The following SLX4IP variants were observed in gnomAD, a reference collection of about 807,000 sequenced individuals.
SLX4IP encodes protein SLX4IP.
SLX4IP carries 34 observed loss-of-function variants against 32.9 expected under a neutral mutation model. The ratio of observed to expected loss-of-function variants is 1.03; its 90% CI spans 0.79 to 1.38. The LOEUF is 1.38. Ranked by LOEUF, SLX4IP falls within the 40% of genes most tolerant of loss-of-function variation. The probability of loss-of-function intolerance (pLI) is 0.00; values close to 1 mark genes in which losing one functional copy is unlikely to be tolerated. For missense variants in SLX4IP, 444 were observed against 479.0 expected, an observed-to-expected ratio of 0.93 and a Z score of 0.68; for synonymous variants, 172 against 171.7, an observed-to-expected ratio of 1.00 and a Z score of -0.01.
intron 4 of SLX4IP, among the ~76,000 whole-genome samples, chr20:10,562,830 A>G (rs1372898258): frequency 7.9e-5 from 12 of 152,148 alleles, no homozygotes; most frequent in Admixed American, 7.9e-4. Context: ...GAACATTTAG[A>G]TTGATTCCGT....
intron 4 of SLX4IP, among the ~76,000 whole-genome samples, chr20:10,583,260 A>G (rs682562): frequency 0.62 from 93,829 of 152,032 alleles, 29,189 homozygotes; most frequent in South Asian, 0.77. Context: ...AATGTTAAAA[A>G]CGCCATTAAA....
chr20:10,505,849 C>T (rs2065755105), intron 2 of SLX4IP, among the ~76,000 whole-genome samples: 1 of 150,922 alleles, frequency 6.6e-6, no homozygotes, highest in Admixed American at 6.6e-5. Context: ...TTCCCCTTTT[C>T]TAACCTGCCC....
At chr20:10,598,242 C>G (rs892047421) in intron 4 of SLX4IP, among the ~76,000 whole-genome samples, 3 of 152,048 alleles carry the variant, frequency 2.0e-5, no homozygotes, top group African/African-American at 7.2e-5. Flanking sequence ...AAGAGAAGCC[C>G]TCTGTTAATT....
intron 3 of SLX4IP, among the ~76,000 whole-genome samples, chr20:10,558,168 C>T (rs369341683): frequency 6.6e-6 from 1 of 151,992 alleles, no homozygotes; most frequent in Non-Finnish European, 1.5e-5. Context: ...GGTGAACCCC[C>T]ATCTCTATAA....
In SLX4IP at chr20:10,627,089, A is replaced by G. The variant is rs1164759839; in HGVS notation, c.*3710A>G. The G allele has an allele frequency of 6.6e-6, 1 of 152,202 alleles. No individual in the cohort carries two copies. The highest frequency in any genetic ancestry group is 1.5e-5 in the Non-Finnish European group (1 of 68,038). The allele number at this position is 152,202 out of a possible 1,614,324, so 9.4% of individuals were successfully genotyped here. ...GTGTCGTCATTCCCAATTTCCTTGA[A>G]TTCCTTCTTGGCAGACCTTACTGTA... On this transcript the variant is annotated 3_prime_UTR_variant, in exon 8 of 8. Coordinates refer to ENST00000334534, the MANE Select transcript of SLX4IP (RefSeq NM_001009608.3).
intron 4 of SLX4IP, among the ~76,000 whole-genome samples, chr20:10,574,838 A>G (rs945235228): frequency 7.2e-5 from 11 of 151,920 alleles, no homozygotes; most frequent in Non-Finnish European, 1.3e-4. Flanking sequence ...ACGCCCAGCT[A>G]ATTTTTGTAT....
chr20:10,486,052 A>G (rs1158184817), intron 2 of SLX4IP, among the ~76,000 whole-genome samples: 1 of 152,160 alleles, frequency 6.6e-6, no homozygotes, highest in Non-Finnish European at 1.5e-5. Flanking sequence ...ATCTAGGTAC[A>G]AATGGACCCA....
rs904970116 is a variant in SLX4IP, at chr20:10,614,248, A to G, written c.406-7066A>G. On this transcript the variant is annotated intron_variant, in intron 6 of 7. Transcript: ENST00000334534. ...AAACTCATGTACATAACCATGAGAA[A>G]ACAGATCCAGCTCTCAAAAGATGAA... The G allele has an allele frequency of 7.8e-5, 48 of 614,824 alleles. No individual in the cohort carries two copies. In the East Asian group the frequency reaches 1.3e-3, roughly 17 times the overall value. 38.1% of individuals were successfully genotyped at this position (614,824 alleles called of 1,614,324 possible).
At chr20:10,470,963 G>T (rs1859250202) in intron 2 of SLX4IP, among the ~76,000 whole-genome samples, 1 of 152,170 alleles carries the variant, frequency 6.6e-6, no homozygotes, top group South Asian at 2.1e-4. Context: ...GGATGACTTT[G>T]GGTGAATTTT....
chr20:10,509,126 A>G (rs1415781019), intron 2 of SLX4IP, among the ~76,000 whole-genome samples: 2 of 152,108 alleles, frequency 1.3e-5, no homozygotes, highest in Non-Finnish European at 2.9e-5. Flanking sequence ...TCTACCCACA[A>G]CGTCTGACCT....
At chr20:10,467,230 G>C (rs1021011937) in intron 2 of SLX4IP, among the ~76,000 whole-genome samples, 19 of 152,202 alleles carry the variant, frequency 1.2e-4, no homozygotes, top group African/African-American at 4.6e-4. Flanking sequence ...CGTTGATTTT[G>C]TGTATCACAT....
rs1466068216 is a variant in SLX4IP, at chr20:10,623,640, A to G, written c.*261A>G. The G allele has an allele frequency of 4.0e-6, 2 of 505,268 alleles. No homozygotes were observed. Among genetic ancestry groups the G allele is most frequent in the Non-Finnish European group, 6.9e-6 (2 of 290,210 alleles). The allele number at this position is 505,268 out of a possible 1,614,324, so 31.3% of individuals were successfully genotyped here. On this transcript the variant is annotated 3_prime_UTR_variant, in exon 8 of 8. Coordinates refer to ENST00000334534, the MANE Select transcript of SLX4IP (RefSeq NM_001009608.3). ...AGAGAATTAGTAATGACAAAGAGCC[A>G]TCCACCTTGTCAGGGAGGAGACTGT... is the stretch of plus-strand genomic sequence containing the variant.
intron 2 of SLX4IP, among the ~76,000 whole-genome samples, chr20:10,521,858 A>C (rs527779044): frequency 2.0e-5 from 3 of 152,330 alleles, no homozygotes; most frequent in Admixed American, 1.3e-4. Context: ...ATTTAGGAGC[A>C]GAGGGAGTGC....
At chr20:10,575,006 G>C (rs541601022) in intron 4 of SLX4IP, among the ~76,000 whole-genome samples, 1 of 152,110 alleles carries the variant, frequency 6.6e-6, no homozygotes, top group South Asian at 2.1e-4. Flanking sequence ...GTTCCAGTTA[G>C]CTCAGAGCCC....
intron 2 of SLX4IP, among the ~76,000 whole-genome samples, chr20:10,476,926 T>C (rs648628): frequency 0.72 from 109,606 of 152,160 alleles, 39,692 homozygotes; most frequent in South Asian, 0.83. Flanking sequence ...TGAATGGTAC[T>C]ACATAACATT....
At chr20:10,551,548 C>T (rs1359652932) in intron 2 of SLX4IP, among the ~76,000 whole-genome samples, 1 of 152,100 alleles carries the variant, frequency 6.6e-6, no homozygotes, top group Non-Finnish European at 1.5e-5. Flanking sequence ...GTGTTGGTCA[C>T]TGGGGATGCA....
chr20:10,455,360 T>C (rs1282505552), intron 1 of SLX4IP, among the ~76,000 whole-genome samples: 1 of 152,140 alleles, frequency 6.6e-6, no homozygotes, highest in Non-Finnish European at 1.5e-5. Flanking sequence ...TTAGCTCTTA[T>C]ATTTAGGTCT....
chr20:10,557,708 C>T (rs1262954500), intron 3 of SLX4IP, among the ~76,000 whole-genome samples: 1 of 152,308 alleles, frequency 6.6e-6, no homozygotes, highest in Non-Finnish European at 1.5e-5. Flanking sequence ...AGACCTTTAT[C>T]GGCCTTAGAC....
At chr20:10,441,642 A>G (rs180772347) in intron 1 of SLX4IP, among the ~76,000 whole-genome samples, 15 of 152,156 alleles carry the variant, frequency 9.9e-5, no homozygotes, top group Admixed American at 4.6e-4. Context: ...TTTGACTTAC[A>G]TTTAGTGACA....
Sources: gnomAD v4.1 joint callset for allele counts (sites outside exome capture counted in the v4.1 genomes callset) on GRCh38, gnomAD v4.1.1 for gene constraint, MANE v1.5 for transcripts, NCBI Gene and HGNC (gene_info 2026-07-23, HGNC 2026-07-21) for gene names.